Variants in SLC35F1 observed in about 807,000 individuals in gnomAD.
SLC35F1 encodes solute carrier family 35 member F1.
A neutral mutation model predicts 48.7 loss-of-function variants in SLC35F1; 14 were observed. That is an observed-to-expected ratio of 0.29 (90% CI 0.19 to 0.45). The LOEUF (loss-of-function observed/expected upper bound fraction) is 0.45. Among genes scored for constraint, SLC35F1 ranks in the 20% least tolerant of loss-of-function variants. The pLI is 1.00. For missense variants in SLC35F1, 404 were observed against 500.0 expected (o/e 0.81, Z 1.83); for synonymous variants, 190 against 202.2 (o/e 0.94, Z 0.51).
intron 7 of SLC35F1, among the ~76,000 whole-genome samples, chr6:118,296,838 C>T (rs1776192674): frequency 6.6e-6 from 1 of 152,194 alleles, no homozygotes. Flanking sequence ...ACAGCCTGGC[C>T]GTTCAGTCGT....
intron 1 of SLC35F1, among the ~76,000 whole-genome samples, chr6:118,119,902 A>G (rs979139141): frequency 6.6e-6 from 1 of 152,204 alleles, no homozygotes; most frequent in African/African-American, 2.4e-5. Flanking sequence ...TGACATGGAA[A>G]CCAGAAGAGG....
chr6:118,085,297 T>C (rs1772970771), intron 1 of SLC35F1, among the ~76,000 whole-genome samples: 1 of 152,048 alleles, frequency 6.6e-6, no homozygotes, highest in South Asian at 2.1e-4. Context: ...CTGGTTCTGA[T>C]ATAGTTAGGG....
At chr6:118,166,395 T>C (rs2114488150) in intron 2 of SLC35F1, among the ~76,000 whole-genome samples, 1 of 152,360 alleles carries the variant, frequency 6.6e-6, no homozygotes. Flanking sequence ...CAGCAGGTTC[T>C]ATACCTACAA....
At chr6:118,177,539 C>G (rs2114504914) in intron 2 of SLC35F1, among the ~76,000 whole-genome samples, 1 of 152,174 alleles carries the variant, frequency 6.6e-6, no homozygotes, top group East Asian at 1.9e-4. Flanking sequence ...AGAATTTCCT[C>G]TTGAGTTTGA....
intron 2 of SLC35F1, among the ~76,000 whole-genome samples, chr6:118,230,380 A>G (rs1775276858): frequency 6.6e-6 from 1 of 152,096 alleles, no homozygotes; most frequent in Admixed American, 6.6e-5. Context: ...TATGTCTTTT[A>G]CTGCATTGTT....
intron 2 of SLC35F1, among the ~76,000 whole-genome samples, chr6:118,176,513 ATTTG>A (rs1042048293): frequency 6.6e-6 from 1 of 151,982 alleles, no homozygotes; most frequent in African/African-American, 2.4e-5. Flanking sequence ...TGCTTAAAAT[ATTTG>A]TTTATTTTTA....
intron 7 of SLC35F1, among the ~76,000 whole-genome samples, chr6:118,303,554 T>G (rs911787536): frequency 5.9e-5 from 9 of 152,186 alleles, no homozygotes; most frequent in Admixed American, 4.6e-4. Flanking sequence ...TCCACCTTCC[T>G]TAGCATCAAG....
At chr6:117,968,781 T>A (rs1028340926) in intron 1 of SLC35F1, among the ~76,000 whole-genome samples, 9 of 152,204 alleles carry the variant, frequency 5.9e-5, no homozygotes, top group African/African-American at 1.9e-4. Flanking sequence ...TATGGCTGTG[T>A]CCAAAGACCT....
intron 1 of SLC35F1, among the ~76,000 whole-genome samples, chr6:118,065,904 C>G (rs1318355458): frequency 6.6e-6 from 1 of 152,072 alleles, no homozygotes; most frequent in Non-Finnish European, 1.5e-5. Flanking sequence ...TGTTCAAAGA[C>G]TTTTTTACTT....
At chr6:118,141,586 A>G (rs1773890540) in intron 1 of SLC35F1, among the ~76,000 whole-genome samples, 1 of 152,116 alleles carries the variant, frequency 6.6e-6, no homozygotes. Flanking sequence ...CTGGTTGCAG[A>G]CTGCCACTGT....
At chr6:118,074,794 C>A (rs2114307074) in intron 1 of SLC35F1, among the ~76,000 whole-genome samples, 1 of 152,268 alleles carries the variant, frequency 6.6e-6, no homozygotes, top group East Asian at 1.9e-4. Context: ...AGTAGAAGCA[C>A]ACACCACTAT....
chr6:118,304,757 T>C (rs1776292502), intron 7 of SLC35F1, among the ~76,000 whole-genome samples: 1 of 151,960 alleles, frequency 6.6e-6, no homozygotes, highest in South Asian at 2.1e-4. Context: ...TGATTTCATA[T>C]AGCAGGTGCT....
intron 1 of SLC35F1, among the ~76,000 whole-genome samples, chr6:118,025,387 T>C (rs1315447130): frequency 2.6e-5 from 4 of 152,190 alleles, no homozygotes; most frequent in African/African-American, 9.6e-5. Flanking sequence ...ATACCAAGGG[T>C]ACATGCTATC....
At chr6:118,210,387 C>T (rs1774987093) in intron 2 of SLC35F1, among the ~76,000 whole-genome samples, 1 of 152,144 alleles carries the variant, frequency 6.6e-6, no homozygotes, top group African/African-American at 2.4e-5. Flanking sequence ...GAGATTGGGA[C>T]TCTTGTGAGG....
intron 1 of SLC35F1, among the ~76,000 whole-genome samples, chr6:117,972,628 A>C (rs529560147): frequency 1.3e-5 from 2 of 152,338 alleles, no homozygotes; most frequent in African/African-American, 4.8e-5. Context: ...GGTGGCAGGC[A>C]AGAGCGTGTA....
At position 118,068,980 on chromosome 6, in the gene SLC35F1, G is replaced by C. The variant is rs549228731; in HGVS notation, c.174-85465G>C. Among the ~76,000 whole-genome samples, 10 of 152,246 alleles carry C rather than the reference G, an allele frequency of 6.6e-5. 1 individual carries two copies. In the East Asian group the frequency reaches 1.9e-3, roughly 29 times the overall value. On this transcript the variant is annotated intron_variant, in intron 1 of 7. Transcript: ENST00000360388. Reference sequence around the variant, plus strand: ...TTTGTTAACCACAGAAATATAATATGTGCCAAAAGTCATATAGGTACTGGA... The same window carrying C: ...TTTGTTAACCACAGAAATATAATATCTGCCAAAAGTCATATAGGTACTGGA...
At chr6:118,055,639 T>G (rs1362571810) in intron 1 of SLC35F1, among the ~76,000 whole-genome samples, 3 of 152,158 alleles carry the variant, frequency 2.0e-5, no homozygotes, top group African/African-American at 7.2e-5. Flanking sequence ...CTGCCATCAC[T>G]GTGTTAACCA....
At chr6:118,099,966 C>T (rs144159346) in intron 1 of SLC35F1, among the ~76,000 whole-genome samples, 44 of 152,208 alleles carry the variant, frequency 2.9e-4, no homozygotes, top group South Asian at 8.3e-4. Context: ...AAAAAAGCAA[C>T]GCATTAGTTT....
intron 1 of SLC35F1, among the ~76,000 whole-genome samples, chr6:118,081,039 C>G (rs1009596041): frequency 6.6e-6 from 1 of 152,110 alleles, no homozygotes; most frequent in African/African-American, 2.4e-5. Flanking sequence ...TAGCCAGGGT[C>G]CTCTGCTCCA....
Sources: allele counts gnomAD v4.1 joint callset (sites outside exome capture counted in the v4.1 genomes callset), GRCh38; gene constraint gnomAD v4.1.1; transcripts MANE v1.5; gene names NCBI Gene and HGNC (gene_info 2026-07-23, HGNC 2026-07-21).